The following IVNS1ABP variants were observed in gnomAD, a reference collection of about 807,000 sequenced individuals.
IVNS1ABP encodes the protein influenza virus NS1A-binding protein.
In IVNS1ABP, 25 loss-of-function variants were observed where a neutral mutation model predicts 78.9. That is an observed-to-expected ratio of 0.32 (90% CI 0.23 to 0.44). The LOEUF is 0.44. Ranked by LOEUF, IVNS1ABP falls within the 20% of genes least tolerant of loss-of-function variation. IVNS1ABP has a pLI of 1.00. For synonymous variants in IVNS1ABP, 241 were observed against 259.7 expected, an observed-to-expected ratio of 0.93 and a Z score of 0.69; for missense variants, 494 against 768.9, an observed-to-expected ratio of 0.64 and a Z score of 4.23.
chr1:185,305,847 A>C lies in IVNS1ABP; in HGVS notation c.658-204T>G. 1.9e-6 allele frequency: 1 copy of C among 533,516 alleles called. No homozygotes were observed. The highest frequency in any genetic ancestry group is 3.3e-6 in the Non-Finnish European group (1 of 307,326). 33.0% of individuals were successfully genotyped at this position (533,516 alleles called of 1,614,324 possible). A position where few individuals can be genotyped will look rare whatever the true frequency, so the allele number is the denominator to read the frequency against. ...AACAAAAACAAAAAACCAAAATCAA[A>C]TACAAAATCTTCCAATACTGGCTGA... On this transcript the variant is annotated intron_variant, in intron 7 of 14. Coordinates refer to ENST00000367498, the MANE Select transcript of IVNS1ABP (RefSeq NM_006469.5). The surrounding 1 kb of genome is among the most constrained non-coding windows in gnomAD (Gnocchi z 4.0).
At chr1:185,303,615 A>C (rs899600731) in intron 8 of IVNS1ABP, among the ~76,000 whole-genome samples, 2 of 152,124 alleles carry the variant, frequency 1.3e-5, no homozygotes, top group African/African-American at 4.8e-5. Context: ...CAACCTTTGT[A>C]AATATAAATG....
Position 185,307,021 on chromosome 1 carries a change from A to G in IVNS1ABP, c.650T>C (p.Met217Thr), listed in dbSNP as rs1571745382. The G allele has an allele frequency of 6.2e-7, 1 of 1,613,350 alleles. No homozygotes were observed. The highest frequency in any genetic ancestry group is 8.5e-7 in the Non-Finnish European group (1 of 1,179,394). The change falls in exon 7 of 15, where the codon ATG becomes ACG. Residue 217 changes from methionine (M) to threonine (T), a missense_variant. Met to Thr is a moderately conservative substitution (Grantham distance 81, BLOSUM62 -1). Transcript: ENST00000367498. ...ATTTACTTTAAAACTAACCTCTTCCATCAGCTCTTCCAGACTGTCTCCATT... is the reference window on the plus strand; with the variant it reads ...ATTTACTTTAAAACTAACCTCTTCCGTCAGCTCTTCCAGACTGTCTCCATT... ...WENGDSLEEL[M>T]EEVQTLYYSA...
rs1665715970 is a variant in IVNS1ABP, at chr1:185,305,439, T to C, written c.765+97A>G. On this transcript the variant is annotated intron_variant, in intron 8 of 14. Transcript: ENST00000367498. The surrounding 1 kb of genome is among the most constrained non-coding windows in gnomAD (Gnocchi z 4.0). ...TTCTGTCCAGTTATACCAATGAAAT[T>C]GGTCCACTTTCCTTTATTAAAGGAA... 7.7e-7 allele frequency: 1 copy of C among 1,294,458 alleles called. No individual in the cohort carries two copies. The highest frequency in any genetic ancestry group is 1.5e-5 in the African/African-American group (1 of 67,982). 80.2% of individuals were successfully genotyped at this position (1,294,458 alleles called of 1,614,324 possible). A position where few individuals can be genotyped will look rare whatever the true frequency, so the allele number is the denominator to read the frequency against.
intron 7 of IVNS1ABP, chr1:185,306,344 A>G: frequency 1.5e-6 from 1 of 651,242 alleles, no homozygotes; most frequent in South Asian, 1.9e-5. Context: ...CGTGTTTTCA[A>G]TTCCCACCAT....
chr1:185,306,847 C>T, intron 7 of IVNS1ABP, 167 bp downstream of exon 7: 1 of 777,260 alleles, frequency 1.3e-6, no homozygotes, highest in African/African-American at 1.8e-5. Flanking sequence ...CTGAACAGTT[C>T]ATTCAGCTCA....
At position 185,301,075 on chromosome 1, in the gene IVNS1ABP, AAAGCTT is replaced by A; in HGVS notation, c.1011_1016del (p.Leu337_Ser338del). ...CGATTAGCTCATCTTGTTGCATCTC[AAAGCTT>A]AAACTCTTACTTAGTTTTGGAGTAC... On this transcript the variant is annotated inframe_deletion, in exon 10 of 15. Coordinates refer to ENST00000367498, the MANE Select transcript of IVNS1ABP (RefSeq NM_006469.5). The A allele has an allele frequency of 1.9e-6, 3 of 1,613,406 alleles. No individual in the cohort carries two copies. Among genetic ancestry groups the A allele is most frequent in the Non-Finnish European group, 2.5e-6 (3 of 1,179,606 alleles).
rs1260067615 is a variant in IVNS1ABP, at chr1:185,309,281, ATCATT to A, written c.111+97_111+101del. On this transcript the variant is annotated intron_variant, in intron 3 of 14. Transcript: ENST00000367498. The stretch of plus-strand genomic sequence containing the variant: ...ACATTTCTCAGTATTCTTTTAAAAA[ATCATT>A]TCATTAAATGCCTATGAAAAAGAAA... 4.9e-6 allele frequency: 6 copies of A among 1,226,952 alleles called. No individual in the cohort carries two copies. The African/African-American group carries it at 9.3e-5, about 19-fold the overall frequency. The allele number at this position is 1,226,952 out of a possible 1,614,324, so 76.0% of individuals were successfully genotyped here. A position where few individuals can be genotyped will look rare whatever the true frequency, so the allele number is the denominator to read the frequency against.
At chr1:185,304,944 G>C (rs996766474) in intron 8 of IVNS1ABP, among the ~76,000 whole-genome samples, 1 of 152,094 alleles carries the variant, frequency 6.6e-6, no homozygotes, top group Non-Finnish European at 1.5e-5. Context: ...ACTCATAGGG[G>C]AAAAATGAAA....
Position 185,307,801 on chromosome 1 carries a change from T to C in IVNS1ABP, c.358-139A>G, listed in dbSNP as rs532978872. On this transcript the variant is annotated intron_variant, in intron 5 of 14. Transcript: ENST00000367498. Reference sequence around the variant, plus strand: ...TTAATACAACAAATGTTAATAGTGGTAATAACACGTATACAAATGATAAAC... The same window carrying C: ...TTAATACAACAAATGTTAATAGTGGCAATAACACGTATACAAATGATAAAC... 4.3e-4 allele frequency: 508 copies of C among 1,176,812 alleles called. 1 individual carries two copies. Among genetic ancestry groups the C allele is most frequent in the Non-Finnish European group, 5.7e-4 (479 of 844,198 alleles). The allele number at this position is 1,176,812 out of a possible 1,614,324, so 72.9% of individuals were successfully genotyped here. A position where few individuals can be genotyped will look rare whatever the true frequency, so the allele number is the denominator to read the frequency against.
rs1003513521 is a variant in IVNS1ABP, at chr1:185,298,449, C to A, written c.1676-161G>T. On this transcript the variant is annotated intron_variant, in intron 14 of 14. Coordinates refer to ENST00000367498, the MANE Select transcript of IVNS1ABP (RefSeq NM_006469.5). The surrounding 1 kb of genome is among the most constrained non-coding windows in gnomAD (Gnocchi z 4.1). ...TTAAATGCCTAATATGACAAATACTCTCTAAGAGCTGGGAATCAAATCAAT... is the reference window on the plus strand; with the variant it reads ...TTAAATGCCTAATATGACAAATACTATCTAAGAGCTGGGAATCAAATCAAT... The A allele has an allele frequency of 6.1e-6, 4 of 651,750 alleles. No individual in the cohort carries two copies. Among genetic ancestry groups the A allele is most frequent in the Non-Finnish European group, 1.0e-5 (4 of 393,364 alleles). The allele number at this position is 651,750 out of a possible 1,614,324, so 40.4% of individuals were successfully genotyped here.
chr1:185,298,252 T>A lies in IVNS1ABP; in HGVS notation c.1712A>T (p.His571Leu), dbSNP rs1665475489. 6.2e-7 allele frequency: 1 copy of A among 1,613,168 alleles called. No individual in the cohort carries two copies. Among genetic ancestry groups the A allele is most frequent in the African/African-American group, 1.3e-5 (1 of 74,846 alleles). ...ATACATTTCCACACAACTGATGGCA[T>A]GAGAACCATCAAAGCCACCACATAC... ...LFVCGGFDGS[H>L]AISCVEMYDP... Residue 571 changes from histidine to leucine, a missense_variant, in exon 15 of 15, where the codon CAT becomes CTT. His to Leu is a moderately conservative substitution (Grantham distance 99, BLOSUM62 -3). Transcript: ENST00000367498. This position sits in a 1 kb window ranked among gnomAD's most constrained non-coding sequence, Gnocchi z 4.1.
At chr1:185,301,608 A>G (rs1558115799) in intron 8 of IVNS1ABP, 45 bp from the exon 9 acceptor site, 5 of 1,609,256 alleles carry the variant, frequency 3.1e-6, no homozygotes, top group Non-Finnish European at 3.4e-6. Flanking sequence ...CAAAGACCAC[A>G]TCTGATGTAC....
At chr1:185,299,193 TTTAAATTATGATTATATAATTAGACA>T (rs1410082645) in intron 14 of IVNS1ABP, 2 of 159,322 alleles carry the variant, frequency 1.3e-5, no homozygotes, top group African/African-American at 4.8e-5. Flanking sequence ...AATGCTAACT[TTTAAATTATGATTATATAATTAGACA>T]TTAAAAGTCA....
intron 1 of IVNS1ABP, among the ~76,000 whole-genome samples, chr1:185,315,064 T>G (rs1371142633): frequency 6.6e-6 from 1 of 152,208 alleles, no homozygotes; most frequent in Admixed American, 6.5e-5. Flanking sequence ...TACTTCAATC[T>G]ACACACACAC....
At position 185,305,008 on chromosome 1, in the gene IVNS1ABP, A is replaced by T. The variant is rs1410807984; in HGVS notation, c.765+528T>A. Among the ~76,000 whole-genome samples the T allele has an allele frequency of 6.6e-6, 1 of 152,192 alleles. No individual in the cohort carries two copies. On this transcript the variant is annotated intron_variant, in intron 8 of 14. Coordinates refer to ENST00000367498, the MANE Select transcript of IVNS1ABP (RefSeq NM_006469.5). The surrounding 1 kb of genome is among the most constrained non-coding windows in gnomAD (Gnocchi z 4.0). ...AATCAGCACAGTGGAACTCTACTATATTTTAATTCATCTTGGTTAAAGAAA... is the reference window on the plus strand; with the variant it reads ...AATCAGCACAGTGGAACTCTACTATTTTTTAATTCATCTTGGTTAAAGAAA...
At chr1:185,306,119 TAG>T (rs1269593816) in intron 7 of IVNS1ABP, 8 of 176,742 alleles carry the variant, frequency 4.5e-5, no homozygotes, top group East Asian at 1.7e-4. Context: ...AAGCAAGCTG[TAG>T]AGTCATCTCC....
Position 185,307,578 on chromosome 1 carries a change from G to A in IVNS1ABP, c.442C>T (p.Arg148Cys), listed in dbSNP as rs755622481. ...RNFASCMGDSRLLNKVDAYIQ... is the reference protein window; with the variant it reads ...RNFASCMGDSCLLNKVDAYIQ... ...TAAGCATCAACCTTATTCAACAAAC[G>A]GGAGTCTCCCATACAACTTGCAAAA... The change falls in exon 6 of 15, where the codon CGT becomes TGT. Residue 148 changes from arginine to cysteine, a missense_variant. By Grantham distance (180) the Arg-to-Cys change is radical (BLOSUM62 -3). Transcript: ENST00000367498. The A allele has an allele frequency of 4.3e-6, 7 of 1,613,246 alleles. No homozygotes were observed. Among genetic ancestry groups the A allele is most frequent in the African/African-American group, 1.3e-5 (1 of 74,858 alleles).
At chr1:185,310,313 A>G (rs1291421433) in intron 2 of IVNS1ABP, among the ~76,000 whole-genome samples, 1 of 152,182 alleles carries the variant, frequency 6.6e-6, no homozygotes, top group East Asian at 1.9e-4. Context: ...TGCATAATTA[A>G]AAAACAGTGA....
chr1:185,314,489 TCA>T (rs1307683842), intron 1 of IVNS1ABP, among the ~76,000 whole-genome samples: 2 of 152,228 alleles, frequency 1.3e-5, no homozygotes, highest in African/African-American at 4.8e-5. Flanking sequence ...TGCAGCTATT[TCA>T]GTTTCAATAG....
Sources: allele counts gnomAD v4.1 joint callset (sites outside exome capture counted in the v4.1 genomes callset), GRCh38; gene constraint gnomAD v4.1.1; non-coding constraint Gnocchi (gnomAD v3.1); transcripts MANE v1.5; gene names NCBI Gene and HGNC (gene_info 2026-07-23, HGNC 2026-07-21).